TP73: variants seen among roughly 807,000 people sequenced by gnomAD.
TP73 encodes p53-like transcription factor.
Under a neutral mutation model 62.5 loss-of-function variants are expected in TP73, and 25 were observed. The ratio of observed to expected loss-of-function variants is 0.40; its 90% confidence interval spans 0.29 to 0.56. The LOEUF is 0.56. Ranked by LOEUF, TP73 falls within the 20% of genes least tolerant of loss-of-function variation. The pLI is 0.46. For synonymous variants in TP73, 423 were observed against 377.5 expected (o/e 1.12, Z -1.40); for missense variants, 754 against 913.3 (o/e 0.83, Z 2.25).
Position 3,727,637 on chromosome 1 carries a change from G to A in TP73, c.852G>A (p.Val284=), listed in dbSNP as rs956971902. 1.9e-6 allele frequency: 3 copies of A among 1,599,326 alleles called. No individual in the cohort carries two copies. The highest frequency in any genetic ancestry group is 2.6e-6 in the Non-Finnish European group (3 of 1,176,028). Residue 284 remains valine, a synonymous_variant, in exon 8 of 14, where the codon GTG becomes GTA. Coordinates refer to ENST00000378295, the MANE Select transcript of TP73 (RefSeq NM_005427.4). ...TGTGCCCACCCGACAGTGGGCAGGT[G>A]CTGGGCCGCCGGTCCTTTGAGGGCC... ...IITLEMRDGQ[V]LGRRSFEGRI...
chr1:3,708,216 C>T (rs1477763195), intron 4 of TP73: 4 of 203,224 alleles, frequency 2.0e-5, no homozygotes, highest in East Asian at 1.2e-4. Context: ...CTCCAGGCAG[C>T]GAGACGCATC....
chr1:3,684,431 C>T (rs1288106372), intron 3 of TP73, among the ~76,000 whole-genome samples: 1 of 152,210 alleles, frequency 6.6e-6, no homozygotes, highest in Non-Finnish European at 1.5e-5. Flanking sequence ...CCCTCAAGTC[C>T]CCATTCCAGG....
chr1:3,726,295 GATGGATGGATGGAGT>G (rs1641587155), intron 6 of TP73, among the ~76,000 whole-genome samples: 1 of 40,344 alleles, frequency 2.5e-5, no homozygotes, highest in Non-Finnish European at 1.5e-4. Flanking sequence ...TGGGTGGATG[GATGGATGGATGGAGT>G]GGGTGGATGG....
chr1:3,712,473 A>G (rs1379717638), intron 4 of TP73: 3 of 152,160 alleles, frequency 2.0e-5, no homozygotes, highest in Non-Finnish European at 4.4e-5. Context: ...GGAGGCCCCA[A>G]GTGAGGCTGG....
chr1:3,689,274 C>T (rs753210902), intron 3 of TP73, among the ~76,000 whole-genome samples: 10 of 152,210 alleles, frequency 6.6e-5, no homozygotes, highest in Non-Finnish European at 1.2e-4. Flanking sequence ...TTCCCAGAGA[C>T]GCCCTTCCTG....
intron 3 of TP73, among the ~76,000 whole-genome samples, chr1:3,683,805 C>T (rs1363655449): frequency 6.6e-6 from 1 of 152,236 alleles, no homozygotes; most frequent in Non-Finnish European, 1.5e-5. Flanking sequence ...TGGCCTCCAC[C>T]ATCAGTGGAA....
At position 3,733,623 on chromosome 1, in the gene TP73, T is replaced by C. The variant is rs1179943560; in HGVS notation, c.*544T>C. 6.3e-6 allele frequency: 1 copy of C among 158,498 alleles called. No individual in the cohort carries two copies. Among genetic ancestry groups the C allele is most frequent in the Admixed American group, 6.2e-5 (1 of 16,190 alleles). 9.8% of individuals were successfully genotyped at this position (158,498 alleles called of 1,614,324 possible). A position where few individuals can be genotyped will look rare whatever the true frequency, so the allele number is the denominator to read the frequency against. Reference sequence around the variant, plus strand: ...CTTGCCCGCGCCGGGGGCTGGGGACTCTCTCTGCTGGACTTGGGACTGGCC... The same window carrying C: ...CTTGCCCGCGCCGGGGGCTGGGGACCCTCTCTGCTGGACTTGGGACTGGCC... On this transcript the variant is annotated 3_prime_UTR_variant, in exon 14 of 14. Transcript: ENST00000378295.
At chr1:3,656,174 CAAA>C (rs1364612534) in intron 1 of TP73, among the ~76,000 whole-genome samples, 7 of 103,364 alleles carry the variant, frequency 6.8e-5, no homozygotes, top group East Asian at 2.9e-4. Context: ...GACTACGTCT[CAAA>C]AAAAAAAAAA....
intron 1 of TP73, among the ~76,000 whole-genome samples, chr1:3,665,716 AT>A (rs1186008611): frequency 6.9e-6 from 1 of 145,772 alleles, no homozygotes; most frequent in Non-Finnish European, 1.5e-5. Context: ...GTGCAGTGGC[AT>A]GATCTTGGCT....
chr1:3,723,762 CTG>C (rs1245997569), intron 6 of TP73, among the ~76,000 whole-genome samples: 4 of 152,260 alleles, frequency 2.6e-5, no homozygotes, highest in Non-Finnish European at 5.9e-5. Context: ...GCCTTGCCCT[CTG>C]TTGGTGCCCA....
chr1:3,703,760 A>T (rs1570523621), intron 3 of TP73, among the ~76,000 whole-genome samples: 1 of 151,846 alleles, frequency 6.6e-6, no homozygotes, highest in African/African-American at 2.4e-5. Context: ...GGGCAGGGGG[A>T]CCCTGGAGCC....
chr1:3,726,451 G>A (rs1205392299), intron 6 of TP73, among the ~76,000 whole-genome samples: 1 of 142,460 alleles, frequency 7.0e-6, no homozygotes, highest in African/African-American at 2.9e-5. Context: ...GTGGGTGGGT[G>A]GATGGGTGGA....
At chr1:3,724,800 C>G (rs1021503739) in intron 6 of TP73, among the ~76,000 whole-genome samples, 2 of 152,228 alleles carry the variant, frequency 1.3e-5, no homozygotes, top group African/African-American at 4.8e-5. Context: ...GGGTGGATCA[C>G]TTGAGGTTAG....
At chr1:3,693,112 C>T (rs910134594) in intron 3 of TP73, among the ~76,000 whole-genome samples, 1 of 149,580 alleles carries the variant, frequency 6.7e-6, no homozygotes, top group African/African-American at 2.6e-5. Context: ...CCAGCCATGT[C>T]TCCAGCACCT....
At chr1:3,682,299 A>G in intron 1 of TP73, 34 bp from the exon 2 acceptor site, 3 of 1,395,420 alleles carry the variant, frequency 2.1e-6, no homozygotes, top group South Asian at 1.5e-5. Flanking sequence ...ACGAGTTCCC[A>G]GGGTGCTCAG....
chr1:3,717,186 C>T (rs1341158467), intron 4 of TP73, among the ~76,000 whole-genome samples: 1 of 152,200 alleles, frequency 6.6e-6, no homozygotes, highest in Admixed American at 6.5e-5. Context: ...GCCGGGCACC[C>T]AGCTGCCGGG....
rs1160288147 is a variant in TP73, at chr1:3,733,196, A to G, written c.*117A>G. The stretch of plus-strand genomic sequence containing the variant: ...AGGACCTTCGGGCTGTGCCCGGGGA[A>G]AGGCAAGGTCCGGCCCATCCCCAGG... On this transcript the variant is annotated 3_prime_UTR_variant, in exon 14 of 14. Transcript: ENST00000378295. 1 of 1,253,694 alleles carries G rather than the reference A, an allele frequency of 8.0e-7. No homozygotes were observed. The highest frequency in any genetic ancestry group is 1.5e-5 in the African/African-American group (1 of 66,294). The allele number at this position is 1,253,694 out of a possible 1,614,324, so 77.7% of individuals were successfully genotyped here.
At chr1:3,693,649 G>T (rs911498313) in intron 3 of TP73, among the ~76,000 whole-genome samples, 7 of 152,042 alleles carry the variant, frequency 4.6e-5, no homozygotes, top group Non-Finnish European at 8.8e-5. Flanking sequence ...GACGCAGGGG[G>T]GCCTGGCCTG....
intron 4 of TP73, among the ~76,000 whole-genome samples, chr1:3,711,867 T>C (rs111816197): frequency 0.014 from 2,088 of 147,894 alleles, 36 homozygotes; most frequent in African/African-American, 0.04. Flanking sequence ...TGTGTGTGTG[T>C]GCGCGAGCAT....
Sources: allele counts gnomAD v4.1 joint callset (sites outside exome capture counted in the v4.1 genomes callset), GRCh38; gene constraint gnomAD v4.1.1; transcripts MANE v1.5; gene names NCBI Gene and HGNC (gene_info 2026-07-23, HGNC 2026-07-21).